The following EEA1 variants were observed in gnomAD, a reference collection of about 807,000 sequenced individuals.
The protein encoded by EEA1 is early endosome antigen 1, 162kD.
EEA1 carries 111 observed loss-of-function variants against 209.2 expected under a neutral mutation model. The observed-to-expected ratio is 0.53, with a 90% CI of 0.45 to 0.62. The LOEUF is 0.62. EEA1 is among the 20% of genes least tolerant of loss of function. The pLI is 0.00. For synonymous variants in EEA1, 536 were observed against 540.6 expected (o/e 0.99, Z 0.12); for missense variants, 1,343 against 1,530.8 (o/e 0.88, Z 2.05).
At chr12:92,866,248 T>A (rs1430816959) in intron 2 of EEA1, among the ~76,000 whole-genome samples, 1 of 151,184 alleles carries the variant, frequency 6.6e-6, no homozygotes, top group Non-Finnish European at 1.5e-5. Flanking sequence ...AATCAAAGAT[T>A]TTTTTAAAAT....
chr12:92,850,869 A>G (rs559528726), intron 9 of EEA1, among the ~76,000 whole-genome samples: 15 of 152,228 alleles, frequency 9.9e-5, no homozygotes, highest in African/African-American at 3.4e-4. Context: ...TATCATGTCA[A>G]CAATATATAT....
intron 19 of EEA1, among the ~76,000 whole-genome samples, chr12:92,802,060 C>A (rs943973792): frequency 1.3e-5 from 2 of 151,890 alleles, no homozygotes; most frequent in African/African-American, 4.8e-5. Flanking sequence ...AGCAAGAAAA[C>A]TTAGGAAACA....
chr12:92,813,402 AAGTG>A (rs1875618059), intron 15 of EEA1, among the ~76,000 whole-genome samples: 1 of 152,212 alleles, frequency 6.6e-6, no homozygotes, highest in African/African-American at 2.4e-5. Flanking sequence ...GTATTTTCAG[AAGTG>A]AGTATCTGAA....
chr12:92,884,481 T>C lies in EEA1; in HGVS notation c.117+7148A>G, dbSNP rs1426169200. On this transcript the variant is annotated intron_variant, in intron 2 of 28. Transcript: ENST00000322349. ...GGCAGTGGGGATGGCTATAATGGAT[T>C]TGGTAATGATGGAAGCAATTTTGGA... 3.4e-6 allele frequency: 5 copies of C among 1,486,964 alleles called. No individual in the cohort carries two copies. In the African/African-American group the frequency reaches 5.5e-5, roughly 16 times the overall value. The allele number at this position is 1,486,964 out of a possible 1,614,324, so 92.1% of individuals were successfully genotyped here.
At chr12:92,779,601 G>C (rs1317509218) in intron 24 of EEA1, among the ~76,000 whole-genome samples, 2 of 151,926 alleles carry the variant, frequency 1.3e-5, no homozygotes, top group East Asian at 3.9e-4. Flanking sequence ...TCATCATTTA[G>C]TTATCACACA....
Position 92,780,342 on chromosome 12 carries a change from G to A in EEA1, c.3406C>T (p.Gln1136Ter). 6.2e-7 allele frequency: 1 copy of A among 1,601,488 alleles called. No individual in the cohort carries two copies. Among genetic ancestry groups the A allele is most frequent in the African/African-American group, 1.3e-5 (1 of 74,150 alleles). Residue 1136 changes from glutamine (Q) to a stop codon, truncating the protein, a stop_gained, in exon 24 of 29, where the codon CAA becomes TAA. Coordinates refer to ENST00000322349, the MANE Select transcript of EEA1 (RefSeq NM_003566.4). LOFTEE classifies it high-confidence loss of function. ...TTTAGTTTAGTGATTTCTTTTTCTT[G>A]TCTACATTTAATTTCTTCTATCTCT... ...LAEIEEIKCR[Q>*]EKEITKLNEE...
chr12:92,884,580 A>C (rs991472210), intron 2 of EEA1: 14 of 1,475,514 alleles, frequency 9.5e-6, no homozygotes, highest in Non-Finnish European at 1.2e-5. Context: ...AAGGGAGGAA[A>C]CTTTGGAGGC....
chr12:92,871,959 C>T (rs1032091991), intron 2 of EEA1, among the ~76,000 whole-genome samples: 1 of 152,168 alleles, frequency 6.6e-6, no homozygotes, highest in Non-Finnish European at 1.5e-5. Flanking sequence ...CAGCTCACTG[C>T]CATCTCCGCC....
At chr12:92,900,431 T>G (rs1342475409) in intron 1 of EEA1, among the ~76,000 whole-genome samples, 2 of 132,904 alleles carry the variant, frequency 1.5e-5, no homozygotes, top group African/African-American at 5.5e-5. Context: ...GTCTTTACTG[T>G]GTGTTTTTTT....
rs187812458 is a variant in EEA1 at position 92,794,274 on chromosome 12, T to C, written c.2967+4618A>G. Among the ~76,000 whole-genome samples the C allele has an allele frequency of 6.7e-4, 102 of 152,366 alleles. 1 individual carries two copies. Among genetic ancestry groups the C allele is most frequent in the Non-Finnish European group, 1.1e-3 (78 of 68,036 alleles). On this transcript the variant is annotated intron_variant, in intron 21 of 28. Transcript: ENST00000322349. ...TGGAGAAACAGGAACACTTTTACAC[T>C]GTTGGTGGGAGTGTAAATTAGTTCA... is the stretch of plus-strand genomic sequence containing the variant.
At chr12:92,804,326 A>G (rs7132338) in intron 18 of EEA1, among the ~76,000 whole-genome samples, 52,837 of 152,090 alleles carry the variant, frequency 0.35, 10,846 homozygotes, top group East Asian at 0.88. Flanking sequence ...TAATCCCAGC[A>G]CTGTGGGAGG....
At chr12:92,926,212 C>T (rs1219291096) in intron 1 of EEA1, among the ~76,000 whole-genome samples, 1 of 151,790 alleles carries the variant, frequency 6.6e-6, no homozygotes, top group African/African-American at 2.4e-5. Context: ...AGGCTGGTCT[C>T]GAACTCCCGA....
At chr12:92,912,889 C>G (rs1008609072) in intron 1 of EEA1, among the ~76,000 whole-genome samples, 121 of 152,282 alleles carry the variant, frequency 7.9e-4, no homozygotes, top group African/African-American at 2.7e-3. Flanking sequence ...TTTTTTATGG[C>G]TGAGCAGTAT....
intron 12 of EEA1, among the ~76,000 whole-genome samples, chr12:92,826,835 T>TC (rs1876332025): frequency 1.3e-5 from 2 of 152,210 alleles, no homozygotes; most frequent in Non-Finnish European, 2.9e-5. Context: ...TTCTCCAGGC[T>TC]GGCATTTAGT....
At chr12:92,822,537 C>T (rs7311818) in intron 13 of EEA1, among the ~76,000 whole-genome samples, 43,111 of 151,930 alleles carry the variant, frequency 0.28, 6,547 homozygotes, top group Non-Finnish European at 0.32. Context: ...TGATTACCCC[C>T]AACTTTCGAC....
At chr12:92,913,703 C>T (rs1433380723) in intron 1 of EEA1, among the ~76,000 whole-genome samples, 1 of 152,146 alleles carries the variant, frequency 6.6e-6, no homozygotes, top group African/African-American at 2.4e-5. Context: ...CTCTGTCACC[C>T]GGGCTGGAGT....
At chr12:92,816,918 TGGTA>T (rs1875817578) in intron 14 of EEA1, among the ~76,000 whole-genome samples, 1 of 151,416 alleles carries the variant, frequency 6.6e-6, no homozygotes, top group African/African-American at 2.5e-5. Context: ...ATTTTCATAA[TGGTA>T]TCTTTTGAAA....
chr12:92,823,011 C>T (rs1592720597), intron 13 of EEA1, among the ~76,000 whole-genome samples: 1 of 152,126 alleles, frequency 6.6e-6, no homozygotes, highest in East Asian at 1.9e-4. Flanking sequence ...TCAACCAGTG[C>T]TGTTTATTTA....
Position 92,774,437 on chromosome 12 carries a change from T to C in EEA1, c.*1574A>G, listed in dbSNP as rs1247986299. The C allele has an allele frequency of 6.6e-6, 1 of 151,600 alleles. No homozygotes were observed. Among genetic ancestry groups the C allele is most frequent in the East Asian group, 1.9e-4 (1 of 5,200 alleles). The allele number at this position is 151,600 out of a possible 1,614,324, so 9.4% of individuals were successfully genotyped here. On this transcript the variant is annotated 3_prime_UTR_variant, in exon 29 of 29. Transcript: ENST00000322349. The stretch of plus-strand genomic sequence containing the variant: ...AGAATATTTGAAAGCAAATGTATAT[T>C]AAGAACTATTATAAATGAAATATTA...
Sources: gnomAD v4.1 joint callset for allele counts (sites outside exome capture counted in the v4.1 genomes callset) on GRCh38, gnomAD v4.1.1 for gene constraint, MANE v1.5 for transcripts, NCBI Gene and HGNC (gene_info 2026-07-23, HGNC 2026-07-21) for gene names.